The following SSH1 variants were observed in gnomAD, a reference collection of about 807,000 sequenced individuals.
SSH1 encodes protein phosphatase Slingshot homolog 1.
In SSH1, 43 loss-of-function variants were observed where a neutral mutation model predicts 79.7. The ratio of observed to expected loss-of-function variants is 0.54; its 90% CI spans 0.42 to 0.70. The LOEUF is 0.70. Among genes scored for constraint, SSH1 ranks in the 30% least tolerant of loss-of-function variants. The probability of loss-of-function intolerance (pLI) is 0.00; values close to 1 mark genes in which losing one functional copy is unlikely to be tolerated. For missense variants in SSH1, 1,206 were observed against 1,358.8 expected, an observed-to-expected ratio of 0.89 and a Z score of 1.77; for synonymous variants, 599 against 538.3, an observed-to-expected ratio of 1.11 and a Z score of -1.56.
chr12:108,856,065 A>G (rs1439381615), intron 1 of SSH1, among the ~76,000 whole-genome samples: 1 of 152,204 alleles, frequency 6.6e-6, no homozygotes, highest in East Asian at 1.9e-4. Flanking sequence ...CCCACAAAGA[A>G]AGGGGCTGAA....
At chr12:108,838,680 C>G (rs1192564495) in intron 2 of SSH1, among the ~76,000 whole-genome samples, 1 of 152,230 alleles carries the variant, frequency 6.6e-6, no homozygotes, top group South Asian at 2.1e-4. Context: ...AGGCATGCAG[C>G]ATCAGCTCTC....
At position 108,785,937 on chromosome 12, in the gene SSH1, A is replaced by G. The variant is rs1356085602; in HGVS notation, c.*2051T>C. 6.6e-6 allele frequency: 1 copy of G among 152,172 alleles called. No individual in the cohort carries two copies. Among genetic ancestry groups the G allele is most frequent in the African/African-American group, 2.4e-5 (1 of 41,440 alleles). 9.4% of individuals were successfully genotyped at this position (152,172 alleles called of 1,614,324 possible). On this transcript the variant is annotated 3_prime_UTR_variant, in exon 15 of 15. Coordinates refer to ENST00000326495, the MANE Select transcript of SSH1 (RefSeq NM_018984.4). ...CACAGGGGTTTAGGAATAAGTGGAT[A>G]ATCACCTTTTAAGGTGATTTTAATT...
At chr12:108,798,364 G>A (rs1443780531) in intron 13 of SSH1, among the ~76,000 whole-genome samples, 1 of 152,142 alleles carries the variant, frequency 6.6e-6, no homozygotes, top group Non-Finnish European at 1.5e-5. Flanking sequence ...TAAGAGATGG[G>A]GTCTTGCTCT....
At chr12:108,828,485 C>T (rs2038388250) in intron 2 of SSH1, among the ~76,000 whole-genome samples, 1 of 152,176 alleles carries the variant, frequency 6.6e-6, no homozygotes, top group South Asian at 2.1e-4. Context: ...TGCCCAGGTG[C>T]CTAATGGCAA....
rs1159827472 is a variant in SSH1, at chr12:108,792,737, G to T, written c.1442C>A (p.Pro481Gln). The T allele has an allele frequency of 2.0e-5, 32 of 1,613,760 alleles. No individual in the cohort carries two copies. The highest frequency in any genetic ancestry group is 2.6e-5 in the Non-Finnish European group (31 of 1,180,046). ...TTCCGGGGTGCCATCTGGGGTCTCT[G>T]GCAAGAAGTCGCCAGGTCCTGCAGG... is the stretch of plus-strand genomic sequence containing the variant. ...DDPAGPGDFLPETPDGTPESQ... is the reference protein window; with the variant it reads ...DDPAGPGDFLQETPDGTPESQ... Residue 481 changes from proline (P) to glutamine (Q), a missense_variant, in exon 14 of 15, where the codon CCA becomes CAA. By Grantham distance (76) the Pro-to-Gln change is moderately conservative (BLOSUM62 -1). This residue lies in a region of SSH1 where 709 missense variants were observed against 730.6 expected (regional missense o/e 0.97). Coordinates refer to ENST00000326495, the MANE Select transcript of SSH1 (RefSeq NM_018984.4).
intron 3 of SSH1, among the ~76,000 whole-genome samples, chr12:108,821,287 A>T (rs1027327815): frequency 2.0e-5 from 3 of 152,034 alleles, no homozygotes; most frequent in Non-Finnish European, 4.4e-5. Flanking sequence ...CCAGCTACTC[A>T]GGAAGCTAAG....
intron 5 of SSH1, among the ~76,000 whole-genome samples, chr12:108,816,495 TA>T (rs1378912619): frequency 6.6e-6 from 1 of 152,240 alleles, no homozygotes; most frequent in African/African-American, 2.4e-5. Context: ...GTCAATGCTC[TA>T]ACTTACTTGG....
chr12:108,803,419 C>T (rs1020461692), intron 10 of SSH1, among the ~76,000 whole-genome samples: 6 of 151,458 alleles, frequency 4.0e-5, no homozygotes, highest in African/African-American at 1.5e-4. Context: ...ATGCAAACAA[C>T]ATAGTATCAT....
chr12:108,838,433 C>T (rs1009590540), intron 2 of SSH1, among the ~76,000 whole-genome samples: 4 of 152,180 alleles, frequency 2.6e-5, no homozygotes, highest in East Asian at 3.8e-4. Context: ...CTCTGGACCA[C>T]GTAAGATCTA....
chr12:108,843,318 T>C (rs1178250472), intron 2 of SSH1, among the ~76,000 whole-genome samples: 1 of 152,144 alleles, frequency 6.6e-6, no homozygotes, highest in Non-Finnish European at 1.5e-5. Flanking sequence ...CCACTTTTAG[T>C]TGCTCAACAG....
At chr12:108,805,608 C>T (rs1017977077) in intron 9 of SSH1, among the ~76,000 whole-genome samples, 5 of 151,556 alleles carry the variant, frequency 3.3e-5, no homozygotes, top group African/African-American at 4.9e-5. Context: ...CCTGTAATCC[C>T]GGCACTCTGG....
intron 2 of SSH1, among the ~76,000 whole-genome samples, chr12:108,827,009 A>G (rs2038336034): frequency 6.6e-6 from 1 of 152,090 alleles, no homozygotes; most frequent in South Asian, 2.1e-4. Flanking sequence ...GGGATAAAAA[A>G]AAAAAAAGCC....
At chr12:108,838,679 G>C (rs557139606) in intron 2 of SSH1, among the ~76,000 whole-genome samples, 1 of 152,328 alleles carries the variant, frequency 6.6e-6, no homozygotes, top group South Asian at 2.1e-4. Context: ...TAGGCATGCA[G>C]CATCAGCTCT....
Position 108,845,047 on chromosome 12 carries a change from G to A in SSH1, c.110+7591C>T, listed in dbSNP as rs966141309. 8.0e-5 allele frequency among the ~76,000 whole-genome samples: 12 copies of A among 150,564 alleles called. No individual in the cohort carries two copies. The South Asian group carries it at 1.1e-3, about 13-fold the overall frequency. On this transcript the variant is annotated intron_variant, in intron 2 of 14. Coordinates refer to ENST00000326495, the MANE Select transcript of SSH1 (RefSeq NM_018984.4). ...GGTACACCTACAGTCCCAGCTACTCGGGAGGCTGAGACAGGACAAAAATTT... is the reference window on the plus strand; with the variant it reads ...GGTACACCTACAGTCCCAGCTACTCAGGAGGCTGAGACAGGACAAAAATTT...
chr12:108,817,491 CT>C (rs2037944428), intron 4 of SSH1: 1 of 354,074 alleles, frequency 2.8e-6, no homozygotes, highest in Non-Finnish European at 5.5e-6. Context: ...ACGAGAATCT[CT>C]TGAACCCGGG....
intron 7 of SSH1, among the ~76,000 whole-genome samples, chr12:108,809,045 G>C (rs957548016): frequency 4.0e-5 from 6 of 151,616 alleles, no homozygotes; most frequent in African/African-American, 1.5e-4. Flanking sequence ...TGTTGGCCAG[G>C]CTGGTCTCAA....
Position 108,783,082 on chromosome 12 carries a change from G to A in SSH1, c.*4906C>T, listed in dbSNP as rs892935550. ...CTATGAAAGAAGAGTATGATTGTGT[G>A]ACTGGGGAATGGGCAGGTGCTGGAC... On this transcript the variant is annotated 3_prime_UTR_variant, in exon 15 of 15. Transcript: ENST00000326495. 1 of 152,266 alleles carries A rather than the reference G, an allele frequency of 6.6e-6. No individual in the cohort carries two copies. The highest frequency in any genetic ancestry group is 2.4e-5 in the African/African-American group (1 of 41,464). The allele number at this position is 152,266 out of a possible 1,614,324, so 9.4% of individuals were successfully genotyped here.
intron 10 of SSH1, among the ~76,000 whole-genome samples, chr12:108,803,424 T>C (rs1426600451): frequency 6.6e-6 from 1 of 151,356 alleles, no homozygotes; most frequent in Non-Finnish European, 1.5e-5. Context: ...AACAACATAG[T>C]ATCATAAAGA....
chr12:108,844,952 T>C (rs1282548809), intron 2 of SSH1, among the ~76,000 whole-genome samples: 2 of 151,742 alleles, frequency 1.3e-5, no homozygotes, highest in Admixed American at 6.6e-5. Flanking sequence ...CTACTAAAAA[T>C]ACAAAAATTT....
Sources: gnomAD v4.1 joint callset for allele counts (sites outside exome capture counted in the v4.1 genomes callset) on GRCh38, gnomAD v4.1.1 for gene constraint, gnomAD v4.1.1 regional missense constraint, MANE v1.5 for transcripts, NCBI Gene and HGNC (gene_info 2026-07-23, HGNC 2026-07-21) for gene names.